The following VARS1 variants were observed in gnomAD, a reference collection of about 807,000 sequenced individuals.
VARS1 encodes valyl-tRNA synthetase 1.
VARS1 carries 92 observed loss-of-function variants against 161.0 expected under a neutral mutation model. That is an observed-to-expected ratio of 0.57 (90% CI 0.48 to 0.68). VARS1 has a LOEUF of 0.68. Ranked by LOEUF, VARS1 falls within the 30% of genes least tolerant of loss-of-function variation. The pLI, the probability that VARS1 is intolerant of heterozygous loss-of-function variation, is 0.00. For synonymous variants in VARS1, 595 were observed against 682.5 expected (o/e 0.87, Z 2.00); for missense variants, 1,338 against 1,695.9 (o/e 0.79, Z 3.71).
rs376864621 is a variant in VARS1, at chr6:31,781,561, C to T, written c.2464G>A (p.Gly822Ser). The change falls in exon 21 of 30, where the codon GGT (glycine) becomes AGT (serine). Residue 822 changes from glycine (G) to serine (S), a missense_variant. Gly to Ser is a moderately conservative substitution (Grantham distance 56). This residue lies in a region of VARS1 where 3 missense variants were observed against 19.5 expected (regional missense o/e 0.15). Transcript: ENST00000375663. This position sits in a 1 kb window ranked among gnomAD's most constrained non-coding sequence, Gnocchi z 6.8. ...ACCCAGAAGAAGAGGATGTCATGAC[C>T]GGTCTCCAGCAGTGTCCCGGGGTAG... ...VFYPGTLLET[G>S]HDILFFWVAR... The T allele has an allele frequency of 5.0e-6, 8 of 1,613,020 alleles. No homozygotes were observed. The highest frequency in any genetic ancestry group is 3.3e-5 in the South Asian group (3 of 91,074).
At position 31,780,176 on chromosome 6, in the gene VARS1, G is replaced by T; in HGVS notation, c.2926-23C>A. The T allele has an allele frequency of 6.2e-7, 1 of 1,611,416 alleles. No homozygotes were observed. On this transcript the variant is annotated intron_variant, in intron 25 of 29. Transcript: ENST00000375663. This position sits in a 1 kb window ranked among gnomAD's most constrained non-coding sequence, Gnocchi z 5.1. ...GGGCTTGGGGAGAGAGGGTGTATCA[G>T]CCGGCGGGCCAGGGGAGGGTGCCAG... is the stretch of plus-strand genomic sequence containing the variant.
rs1813143350 is a variant in VARS1, at chr6:31,781,515, C to T, written c.2510G>A (p.Gly837Asp). The T allele has an allele frequency of 6.2e-7, 1 of 1,612,858 alleles. No individual in the cohort carries two copies. The highest frequency in any genetic ancestry group is 1.3e-5 in the African/African-American group (1 of 74,926). The part of the protein sequence containing the change: ...FFWVARMVML[G>D]LKLTGRLPFR... ...GGGCAGCCTGCCCGTGAGCTTCAGG[C>T]CCAGCATGACCATCCGGGCCACCCA... Residue 837 changes from glycine (G) to aspartate (D), a missense_variant, in exon 21 of 30, where the codon GGC becomes GAC. This residue lies in a region of VARS1 where 433 missense variants were observed against 586.2 expected (regional missense o/e 0.74). Transcript: ENST00000375663. The surrounding 1 kb of genome is among the most constrained non-coding windows in gnomAD (Gnocchi z 6.8).
In VARS1 at chr6:31,779,349, T is replaced by C; in HGVS notation, c.3401-57A>G. The stretch of plus-strand genomic sequence containing the variant: ...TCCATGGAGACAGGAAACCAAGCAG[T>C]CACTGCCGGACACTGGGTCCCAGAG... On this transcript the variant is annotated intron_variant, in intron 28 of 29. Transcript: ENST00000375663. The surrounding 1 kb of genome is among the most constrained non-coding windows in gnomAD (Gnocchi z 9.1). The C allele has an allele frequency of 6.2e-7, 1 of 1,601,948 alleles. No individual in the cohort carries two copies. Among genetic ancestry groups the C allele is most frequent in the Non-Finnish European group, 8.5e-7 (1 of 1,178,916 alleles).
rs773939063 is a variant in VARS1 at position 31,779,268 on chromosome 6, G to A, written c.3425C>T (p.Ala1142Val). 1 of 1,602,998 alleles carries A rather than the reference G, an allele frequency of 6.2e-7. No homozygotes were observed. ...CACCGCCGATGCCAGGGCGCCCGTG[G>A]CCTCATCCGCCACTTCCAGGAAACC... ...PDCFLEVADE[A>V]TGALASAVSG... Residue 1142 changes from alanine to valine, a missense_variant, in exon 29 of 30, where the codon GCC (alanine) becomes GTC (valine). Physicochemically the swap from Ala to Val is moderately conservative, Grantham distance 64. Around this residue, in one of 3 missense-constraint regions of VARS1, gnomAD observed 433 missense variants for 586.2 expected, o/e 0.74. Coordinates refer to ENST00000375663, the MANE Select transcript of VARS1 (RefSeq NM_006295.3). This position sits in a 1 kb window ranked among gnomAD's most constrained non-coding sequence, Gnocchi z 9.1.
Position 31,785,953 on chromosome 6 carries a change from C to A in VARS1, c.1101-220G>T, listed in dbSNP as rs1303590155. Among the ~76,000 whole-genome samples, 1 of 152,178 alleles carries A rather than the reference C, an allele frequency of 6.6e-6. No homozygotes were observed. The highest frequency in any genetic ancestry group is 2.4e-5 in the African/African-American group (1 of 41,460). On this transcript the variant is annotated intron_variant, in intron 8 of 29. Coordinates refer to ENST00000375663, the MANE Select transcript of VARS1 (RefSeq NM_006295.3). This position sits in a 1 kb window ranked among gnomAD's most constrained non-coding sequence, Gnocchi z 6.1. ...ATGAGCCTGGCCAACATGGTAAAACCCCGTCTCTACTAAAAATACAAAATT... is the reference window on the plus strand; with the variant it reads ...ATGAGCCTGGCCAACATGGTAAAACACCGTCTCTACTAAAAATACAAAATT...
chr6:31,777,830 C>G lies in VARS1; in HGVS notation c.3727-168G>C. On this transcript the variant is annotated intron_variant, in intron 29 of 29. Transcript: ENST00000375663. This position sits in a 1 kb window ranked among gnomAD's most constrained non-coding sequence, Gnocchi z 5.8. ...TCCCCACCCATTCCCACCAGCACCC[C>G]CACTTCCACCACCACCTCTTGGGTC... 3.0e-6 allele frequency: 2 copies of G among 669,800 alleles called. No homozygotes were observed. Among genetic ancestry groups the G allele is most frequent in the Non-Finnish European group, 5.2e-6 (2 of 384,926 alleles). The allele number at this position is 669,800 out of a possible 1,614,324, so 41.5% of individuals were successfully genotyped here. A position where few individuals can be genotyped will look rare whatever the true frequency, so the allele number is the denominator to read the frequency against.
chr6:31,783,198 A>G lies in VARS1; in HGVS notation c.1672-12T>C. ...TTCCCCTTCAGGTGCTGGGGGCGGA[A>G]AGATACCAAAAACGCATGAAGCAGG... On this transcript the variant is annotated splice_polypyrimidine_tract_variant and intron_variant, in intron 13 of 29. Coordinates refer to ENST00000375663, the MANE Select transcript of VARS1 (RefSeq NM_006295.3). 6.2e-7 allele frequency: 1 copy of G among 1,611,380 alleles called. No individual in the cohort carries two copies. The highest frequency in any genetic ancestry group is 8.5e-7 in the Non-Finnish European group (1 of 1,179,338).
Position 31,779,147 on chromosome 6 carries a change from A to C in VARS1, c.3546T>G (p.Ser1182=). 1 of 1,605,716 alleles carries C rather than the reference A, an allele frequency of 6.2e-7. No homozygotes were observed. The highest frequency in any genetic ancestry group is 8.5e-7 in the Non-Finnish European group (1 of 1,176,530). The stretch of plus-strand genomic sequence containing the variant: ...GCTGCAGGTGGATGGAGCAGCGATC[A>C]GAAGCCAGAGCCACAGCGCAACCCT... The part of the protein sequence containing the change: ...APQGCAVALA[S]DRCSIHLQLQ... Residue 1182 remains serine, a synonymous_variant, in exon 29 of 30, where the codon TCT becomes TCG. Coordinates refer to ENST00000375663, the MANE Select transcript of VARS1 (RefSeq NM_006295.3). The surrounding 1 kb of genome is among the most constrained non-coding windows in gnomAD (Gnocchi z 9.1).
chr6:31,786,352 A>C (rs1813505098), intron 8 of VARS1, among the ~76,000 whole-genome samples: 2 of 152,124 alleles, frequency 1.3e-5, no homozygotes, highest in African/African-American at 4.8e-5. Flanking sequence ...ATTTGAAGGA[A>C]GAGCCAAGGC....
Position 31,780,822 on chromosome 6 carries a change from G to A in VARS1, c.2719-39C>T, listed in dbSNP as rs766893806. 34 of 1,614,022 alleles carry A rather than the reference G, an allele frequency of 2.1e-5. No individual in the cohort carries two copies. The highest frequency in any genetic ancestry group is 2.9e-5 in the Non-Finnish European group (34 of 1,180,000). On this transcript the variant is annotated intron_variant, in intron 23 of 29. Coordinates refer to ENST00000375663, the MANE Select transcript of VARS1 (RefSeq NM_006295.3). The surrounding 1 kb of genome is among the most constrained non-coding windows in gnomAD (Gnocchi z 5.1). ...GCAGGGGGAGGAGCGTCCTCAGCCA[G>A]CCCCATCCACGCTGTGCTCCTGCTT...
rs1813416315 is a variant in VARS1, at chr6:31,785,196, C to G, written c.1347+50G>C. ...CTGCTTTCTCCTGTGGGGGTCCCAC[C>G]CTGGGGAGACTCCTACTCCTGCCCC... On this transcript the variant is annotated intron_variant, in intron 10 of 29. Transcript: ENST00000375663. This position sits in a 1 kb window ranked among gnomAD's most constrained non-coding sequence, Gnocchi z 6.1. 10 of 1,609,032 alleles carry G rather than the reference C, an allele frequency of 6.2e-6. No individual in the cohort carries two copies. The East Asian group carries it at 2.2e-4, about 36-fold the overall frequency.
Position 31,784,748 on chromosome 6 carries a change from G to A in VARS1, c.1348-34C>T. 6.2e-7 allele frequency: 1 copy of A among 1,612,188 alleles called. No individual in the cohort carries two copies. The highest frequency in any genetic ancestry group is 8.5e-7 in the Non-Finnish European group (1 of 1,179,644). ...GAGGAGGGAGAAGTCAGAGAGATGGGCCTTGTGCCTGGAGGCCCAGGCAGA... is the reference window on the plus strand; with the variant it reads ...GAGGAGGGAGAAGTCAGAGAGATGGACCTTGTGCCTGGAGGCCCAGGCAGA... On this transcript the variant is annotated intron_variant, in intron 10 of 29. Transcript: ENST00000375663. This position sits in a 1 kb window ranked among gnomAD's most constrained non-coding sequence, Gnocchi z 6.1.
chr6:31,787,948 C>T (rs531021860), intron 8 of VARS1, among the ~76,000 whole-genome samples: 1 of 151,866 alleles, frequency 6.6e-6, no homozygotes, highest in East Asian at 2.0e-4. Flanking sequence ...GAAACCCCGT[C>T]TCTACTAAAA....
intron 8 of VARS1, among the ~76,000 whole-genome samples, chr6:31,787,384 C>T (rs1813573667): frequency 6.6e-6 from 1 of 152,196 alleles, no homozygotes; most frequent in South Asian, 2.1e-4. Flanking sequence ...GTGGCTCACA[C>T]CTGTAATCCC....
Position 31,785,146 on chromosome 6 carries a change from C to T in VARS1, c.1347+100G>A. On this transcript the variant is annotated intron_variant, in intron 10 of 29. Transcript: ENST00000375663. The surrounding 1 kb of genome is among the most constrained non-coding windows in gnomAD (Gnocchi z 6.1). ...CTCCATGGTGTTTTACATGGGCCAG[C>T]TCCTGAGAGAGGGCCACAACACCTC... 1 of 1,431,436 alleles carries T rather than the reference C, an allele frequency of 7.0e-7. No individual in the cohort carries two copies. Among genetic ancestry groups the T allele is most frequent in the Non-Finnish European group, 9.8e-7 (1 of 1,025,568 alleles). 88.7% of individuals were successfully genotyped at this position (1,431,436 alleles called of 1,614,324 possible).
chr6:31,793,279 G>A (rs922546281), intron 2 of VARS1, among the ~76,000 whole-genome samples, 159 bp from the exon 3 acceptor site: 3 of 152,100 alleles, frequency 2.0e-5, no homozygotes, highest in East Asian at 1.9e-4. Context: ...ACTTCTGGGC[G>A]GATCACGAGG....
Position 31,784,690 on chromosome 6 carries a change from C to A in VARS1, c.1372G>T (p.Ala458Ser), listed in dbSNP as rs762674443. Residue 458 changes from alanine to serine, a missense_variant, in exon 11 of 30, where the codon GCC becomes TCC. Transcript: ENST00000375663. The surrounding 1 kb of genome is among the most constrained non-coding windows in gnomAD (Gnocchi z 6.1). ...CCTTCCTCGTGAAGCCGGACAAAGGCCTCTGTCACAGCTGCTGAGAGTTTC... is the reference window on the plus strand; with the variant it reads ...CCTTCCTCGTGAAGCCGGACAAAGGACTCTGTCACAGCTGCTGAGAGTTTC... ...DPKLSAAVTE[A>S]FVRLHEEGII... 9.9e-6 allele frequency: 16 copies of A among 1,612,892 alleles called. No individual in the cohort carries two copies. The Admixed American group carries it at 2.7e-4, about 27-fold the overall frequency.
In VARS1 at chr6:31,782,117, A is replaced by G; in HGVS notation, c.2211T>C (p.Thr737=). ...WGHRIPAYFV[T]VSDPAVPPGE... is the part of the protein sequence containing the mutation. ...CAGGGGGCACCGCTGGGTCACTGAC[A>G]GTGACAAAGTAGGCTGGGATGCGAT... Residue 737 remains threonine, a synonymous_variant, in exon 18 of 30, where the codon ACT becomes ACC. Transcript: ENST00000375663. The surrounding 1 kb of genome is among the most constrained non-coding windows in gnomAD (Gnocchi z 8.3). 1.2e-6 allele frequency: 2 copies of G among 1,613,888 alleles called. No homozygotes were observed. The highest frequency in any genetic ancestry group is 1.7e-6 in the Non-Finnish European group (2 of 1,179,914).
Position 31,785,334 on chromosome 6 carries a change from G to C in VARS1, c.1266-7C>G. 1 of 1,613,054 alleles carries C rather than the reference G, an allele frequency of 6.2e-7. No homozygotes were observed. ...GTAAATCCGGTCACCTTTCCTGGAA[G>C]CAGACAGGCTGAGGTCAGCACTCGT... On this transcript the variant is annotated splice_polypyrimidine_tract_variant and splice_region_variant and intron_variant, in intron 9 of 29. Coordinates refer to ENST00000375663, the MANE Select transcript of VARS1 (RefSeq NM_006295.3). This position sits in a 1 kb window ranked among gnomAD's most constrained non-coding sequence, Gnocchi z 6.1.
Sources: gnomAD v4.1 joint callset for allele counts (sites outside exome capture counted in the v4.1 genomes callset) on GRCh38, gnomAD v4.1.1 for gene constraint, gnomAD v4.1.1 regional missense constraint, Gnocchi (gnomAD v3.1) non-coding constraint, MANE v1.5 for transcripts, NCBI Gene and HGNC (gene_info 2026-07-23, HGNC 2026-07-21) for gene names.